LRP2: variants seen among roughly 807,000 people sequenced by gnomAD.
LRP2 encodes the protein LDL receptor related protein 2.
LRP2 carries 172 observed loss-of-function variants against 531.0 expected under a neutral mutation model. The observed-to-expected ratio is 0.32, with a 90% confidence interval of 0.29 to 0.37. The LOEUF is 0.37. LRP2 is among the 10% of genes least tolerant of loss of function. The pLI is 1.00. For missense variants in LRP2, 5,167 were observed against 5,868.3 expected (o/e 0.88, Z 3.90); for synonymous variants, 1,992 against 2,027.6 (o/e 0.98, Z 0.47).
At position 169,270,976 on chromosome 2, in the gene LRP2, C is replaced by A. The variant is rs779934241; in HGVS notation, c.2248G>T (p.Ala750Ser). The A allele has an allele frequency of 1.9e-6, 3 of 1,613,154 alleles. No homozygotes were observed. Among genetic ancestry groups the A allele is most frequent in the Non-Finnish European group, 2.5e-6 (3 of 1,179,578 alleles). ...GAAAAAAAGATAGTGCTGTCCTGGG[C>A]GTCAAAATCAATCCCGACAAAGAAA... is the stretch of plus-strand genomic sequence containing the variant. ...PSFFVGIDFD[A>S]QDSTIFFSDM... is the part of the protein sequence containing the mutation. The change falls in exon 16 of 79, where the codon GCC (alanine) becomes TCC (serine). Residue 750 changes from alanine to serine, a missense_variant. This residue lies in a region of LRP2 where 2,811 missense variants were observed against 3,058.0 expected (regional missense o/e 0.92). Transcript: ENST00000649046.
chr2:169,197,971 T>C (rs1251739995), intron 45 of LRP2, among the ~76,000 whole-genome samples: 1 of 152,234 alleles, frequency 6.6e-6, no homozygotes, highest in Admixed American at 6.5e-5. Context: ...ATTATGTATC[T>C]ATTTACACTA....
intron 50 of LRP2, among the ~76,000 whole-genome samples, chr2:169,184,818 C>T (rs1463291346): frequency 6.6e-6 from 1 of 151,970 alleles, no homozygotes; most frequent in Non-Finnish European, 1.5e-5. Flanking sequence ...GCTGGAGTGC[C>T]ATGCATGTTC....
intron 16 of LRP2, among the ~76,000 whole-genome samples, chr2:169,268,234 G>T (rs984962596): frequency 3.9e-5 from 6 of 152,010 alleles, no homozygotes; most frequent in Non-Finnish European, 8.8e-5. Context: ...GCAAAAAGAG[G>T]GAATCATCCC....
At chr2:169,346,706 C>T (rs1007010290) in intron 1 of LRP2, among the ~76,000 whole-genome samples, 1 of 151,926 alleles carries the variant, frequency 6.6e-6, no homozygotes, top group African/African-American at 2.4e-5. Flanking sequence ...AACAGGATTC[C>T]CTATTAATAG....
At chr2:169,213,525 T>C (rs1688670078) in intron 36 of LRP2, 132 bp downstream of exon 36, 1 of 817,428 alleles carries the variant, frequency 1.2e-6, no homozygotes, top group African/African-American at 1.7e-5. Context: ...ATTTTTTAAA[T>C]ATTTCAGGTA....
intron 16 of LRP2, among the ~76,000 whole-genome samples, chr2:169,267,598 T>G (rs927009508): frequency 6.6e-6 from 1 of 152,070 alleles, no homozygotes; most frequent in Non-Finnish European, 1.5e-5. Context: ...TGGGACACAT[T>G]TGAAGTAGGG....
Position 169,128,404 on chromosome 2 carries a change from AC to A in LRP2, c.*258del. 3.0e-6 allele frequency: 1 copy of A among 333,280 alleles called. No homozygotes were observed. The highest frequency in any genetic ancestry group is 5.6e-6 in the Non-Finnish European group (1 of 178,992). 20.6% of individuals were successfully genotyped at this position (333,280 alleles called of 1,614,324 possible). On this transcript the variant is annotated 3_prime_UTR_variant, in exon 79 of 79. Transcript: ENST00000649046. ...TAACAGGATAATCTTTCCAAAATTTACAAATATACAATATATTTATAGTATT... is the reference window on the plus strand; with the variant it reads ...TAACAGGATAATCTTTCCAAAATTTAAAATATACAATATATTTATAGTATT...
intron 16 of LRP2, among the ~76,000 whole-genome samples, chr2:169,263,500 CA>C (rs1330851153): frequency 6.6e-6 from 1 of 150,902 alleles, no homozygotes; most frequent in Non-Finnish European, 1.5e-5. Context: ...AAAAAATGCT[CA>C]CCATCACTGG....
intron 4 of LRP2, among the ~76,000 whole-genome samples, chr2:169,298,368 T>C (rs992608586): frequency 1.3e-5 from 2 of 152,158 alleles, no homozygotes; most frequent in Admixed American, 6.5e-5. Context: ...AACCTGAGCA[T>C]TAAGAGGTTA....
intron 71 of LRP2, 83 bp downstream of exon 71, chr2:169,142,591 C>T: frequency 6.3e-7 from 1 of 1,592,410 alleles, no homozygotes; most frequent in Admixed American, 1.7e-5. Flanking sequence ...GCAAAGGACC[C>T]AGCATACAGG....
intron 61 of LRP2, 22 bp from the exon 62 acceptor site, chr2:169,166,076 T>C: frequency 1.2e-6 from 2 of 1,613,268 alleles, no homozygotes; most frequent in Non-Finnish European, 1.7e-6. Context: ...GATAGAAAAA[T>C]GAAATTACAA....
rs537120899 is a variant in LRP2, at chr2:169,209,633, C to T, written c.6289G>A (p.Ala2097Thr). The change falls in exon 38 of 79, where the codon GCA becomes ACA. Residue 2097 changes from alanine (A) to threonine (T), a missense_variant. Around this residue, in one of 6 missense-constraint regions of LRP2, gnomAD observed 2,811 missense variants for 3,058.0 expected, o/e 0.92. Transcript: ENST00000649046. ...MVPVAGQGRNALHVDVDVSSG... is the reference protein window; with the variant it reads ...MVPVAGQGRNTLHVDVDVSSG... ...GACACATCCACATCCACATGCAGTG[C>T]GTTTCGTCCTGGAAGTTAAGAAAAG... 6.8e-6 allele frequency: 11 copies of T among 1,613,956 alleles called. No homozygotes were observed. Among genetic ancestry groups the T allele is most frequent in the Admixed American group, 1.7e-5 (1 of 59,990 alleles).
intron 6 of LRP2, among the ~76,000 whole-genome samples, chr2:169,292,988 T>A (rs114465057): frequency 3.3e-3 from 505 of 152,282 alleles, no homozygotes; most frequent in Non-Finnish European, 6.1e-3. Context: ...TATGACCAAA[T>A]GATTCTGAGT....
intron 1 of LRP2, among the ~76,000 whole-genome samples, chr2:169,343,534 T>C (rs1398320291): frequency 6.6e-6 from 1 of 152,176 alleles, no homozygotes; most frequent in East Asian, 1.9e-4. Context: ...TGCCAGGACC[T>C]TGCATGTTCA....
At chr2:169,294,312 G>A (rs368116972) in intron 5 of LRP2, 51 bp from the exon 6 acceptor site, 16 of 1,084,664 alleles carry the variant, frequency 1.5e-5, no homozygotes, top group Non-Finnish European at 2.3e-5. Context: ...TAACTCCATT[G>A]TAGCCATTTA....
intron 19 of LRP2, 150 bp from the exon 20 acceptor site, chr2:169,247,665 C>A: frequency 2.3e-6 from 2 of 860,396 alleles, no homozygotes; most frequent in South Asian, 3.0e-5. Flanking sequence ...AACCATTTTC[C>A]ACGACTTGTT....
At chr2:169,176,289 T>C (rs1687190225) in intron 54 of LRP2, 122 bp downstream of exon 54, 22 of 1,067,266 alleles carry the variant, frequency 2.1e-5, no homozygotes, top group Non-Finnish European at 2.3e-5. Flanking sequence ...GTGTTCCACA[T>C]GAACCAAGTT....
chr2:169,324,042 G>A (rs902384695), intron 1 of LRP2, among the ~76,000 whole-genome samples: 1 of 152,176 alleles, frequency 6.6e-6, no homozygotes, highest in African/African-American at 2.4e-5. Flanking sequence ...ATGGTGCAAA[G>A]ATGAAAAGAA....
chr2:169,173,012 A>C, intron 57 of LRP2, 84 bp downstream of exon 57: 21 of 1,407,924 alleles, frequency 1.5e-5, no homozygotes, highest in Non-Finnish European at 2.1e-5. Context: ...CATGGGAAAT[A>C]CACTCTCATC....
Sources: gnomAD v4.1 joint callset for allele counts (sites outside exome capture counted in the v4.1 genomes callset) on GRCh38, gnomAD v4.1.1 for gene constraint, gnomAD v4.1.1 regional missense constraint, MANE v1.5 for transcripts, NCBI Gene and HGNC (gene_info 2026-07-23, HGNC 2026-07-21) for gene names.